Variants in SGCZ observed in about 807,000 individuals in gnomAD.
SGCZ encodes the protein zeta-sarcoglycan.
Under a neutral mutation model 41.3 loss-of-function variants are expected in SGCZ, and 40 were observed. The ratio of observed to expected loss-of-function variants is 0.97; its 90% CI spans 0.75 to 1.26. The LOEUF (loss-of-function observed/expected upper bound fraction) is 1.26, where lower values mean the gene tolerates loss of function less well. SGCZ is among the 50% of genes most tolerant of loss of function. The pLI is 0.00. For missense variants in SGCZ, 552 were observed against 369.8 expected, an observed-to-expected ratio of 1.49 and a Z score of -4.04; for synonymous variants, 206 against 137.5, an observed-to-expected ratio of 1.50 and a Z score of -3.49.
intron 1 of SGCZ, among the ~76,000 whole-genome samples, chr8:14,964,953 G>A (rs1801084482): frequency 6.6e-6 from 1 of 152,142 alleles, no homozygotes; most frequent in Non-Finnish European, 1.5e-5. Context: ...CAACTCGCTT[G>A]TGGGAGCTCA....
chr8:14,800,155 C>T (rs1363184205), intron 1 of SGCZ, among the ~76,000 whole-genome samples: 1 of 106,088 alleles, frequency 9.4e-6, no homozygotes, highest in Non-Finnish European at 2.0e-5. Context: ...TATATTTTGC[C>T]TCCTTTTTTT....
At chr8:14,869,503 G>A (rs952488550) in intron 1 of SGCZ, among the ~76,000 whole-genome samples, 7 of 152,124 alleles carry the variant, frequency 4.6e-5, no homozygotes, top group Admixed American at 2.6e-4. Context: ...GCAAAAGCTG[G>A]AAGCATTCCC....
At chr8:14,134,865 T>C (rs1402873941) in intron 5 of SGCZ, among the ~76,000 whole-genome samples, 1 of 152,230 alleles carries the variant, frequency 6.6e-6, no homozygotes, top group Non-Finnish European at 1.5e-5. Flanking sequence ...TACTGTTTGA[T>C]ATGTTTTTTA....
chr8:14,219,079 T>C (rs1356489617), intron 4 of SGCZ, among the ~76,000 whole-genome samples: 2 of 152,220 alleles, frequency 1.3e-5, no homozygotes, highest in African/African-American at 4.8e-5. Context: ...AATTGTTCTT[T>C]TGAAGTGCCC....
At position 15,030,305 on chromosome 8, in the gene SGCZ, G is replaced by A. The variant is rs1412207387; in HGVS notation, c.39+207280C>T. ...ATTTAATTGCCATCTTCAGAAAATA[G>A]CACGGTGAAAATCTTTCTATTCTAA... On this transcript the variant is annotated intron_variant, in intron 1 of 7. Transcript: ENST00000382080. Among the ~76,000 whole-genome samples, 4 of 152,156 alleles carry A rather than the reference G, an allele frequency of 2.6e-5. No homozygotes were observed. The East Asian group carries it at 7.7e-4, about 29-fold the overall frequency.
At chr8:15,131,878 C>T (rs1338268794) in intron 1 of SGCZ, among the ~76,000 whole-genome samples, 2 of 152,198 alleles carry the variant, frequency 1.3e-5, no homozygotes, top group Non-Finnish European at 2.9e-5. Flanking sequence ...GAAAGGTCTG[C>T]AAGCTCTTCA....
chr8:14,963,628 G>A (rs1256638548), intron 1 of SGCZ, among the ~76,000 whole-genome samples: 1 of 152,172 alleles, frequency 6.6e-6, no homozygotes, highest in African/African-American at 2.4e-5. Flanking sequence ...GATTACGGGT[G>A]TGAGCCACTG....
chr8:14,316,820 C>A (rs1383863759), intron 3 of SGCZ, among the ~76,000 whole-genome samples: 1 of 142,266 alleles, frequency 7.0e-6, no homozygotes, highest in Non-Finnish European at 1.5e-5. Flanking sequence ...TAGACACACA[C>A]ACACACACAC....
At chr8:14,497,452 C>T (rs1181081377) in intron 2 of SGCZ, among the ~76,000 whole-genome samples, 1 of 152,110 alleles carries the variant, frequency 6.6e-6, no homozygotes, top group East Asian at 1.9e-4. Flanking sequence ...GACTCACACC[C>T]TGCAGGCTGA....
intron 2 of SGCZ, among the ~76,000 whole-genome samples, chr8:14,417,068 G>T (rs143983910): frequency 1.3e-5 from 2 of 151,652 alleles, no homozygotes; most frequent in African/African-American, 4.8e-5. Context: ...AAATAAGGCC[G>T]GGCAAGACAT....
intron 1 of SGCZ, among the ~76,000 whole-genome samples, chr8:14,558,205 T>A (rs918384224): frequency 3.9e-5 from 6 of 152,046 alleles, no homozygotes; most frequent in Non-Finnish European, 7.4e-5. Flanking sequence ...CCAGGACCAG[T>A]TGGATTCACA....
At chr8:14,362,251 A>G (rs1803546832) in intron 2 of SGCZ, among the ~76,000 whole-genome samples, 1 of 152,170 alleles carries the variant, frequency 6.6e-6, no homozygotes, top group Non-Finnish European at 1.5e-5. Flanking sequence ...AGTCTGCAGA[A>G]GCCTTTTGTT....
At chr8:15,106,761 G>A (rs573829662) in intron 1 of SGCZ, among the ~76,000 whole-genome samples, 3 of 151,854 alleles carry the variant, frequency 2.0e-5, no homozygotes, top group Admixed American at 1.3e-4. Context: ...TTAAAAATAC[G>A]TGGCAATTTT....
At chr8:14,951,703 G>A (rs1042340675) in intron 1 of SGCZ, among the ~76,000 whole-genome samples, 9 of 151,982 alleles carry the variant, frequency 5.9e-5, no homozygotes, top group Non-Finnish European at 1.2e-4. Context: ...TTTATAAATA[G>A]CAATACCCCA....
chr8:15,019,253 G>T (rs1803159916), intron 1 of SGCZ, among the ~76,000 whole-genome samples: 3 of 152,300 alleles, frequency 2.0e-5, no homozygotes, highest in Middle Eastern at 3.4e-3. Context: ...GGTCAGCAAG[G>T]GGCTATGGTT....
chr8:14,644,491 C>T (rs1807141871), intron 1 of SGCZ, among the ~76,000 whole-genome samples: 2 of 100,044 alleles, frequency 2.0e-5, no homozygotes, highest in African/African-American at 4.1e-5. Flanking sequence ...TACAGTTGTG[C>T]CAGCCAATTT....
At chr8:14,230,718 T>G (rs574951306) in intron 4 of SGCZ, among the ~76,000 whole-genome samples, 2 of 151,668 alleles carry the variant, frequency 1.3e-5, no homozygotes, top group South Asian at 4.2e-4. Context: ...ATAATTTTAA[T>G]TGAACATATA....
In SGCZ at chr8:14,102,466, T is replaced by C. The variant is rs1802062157; in HGVS notation, c.654A>G (p.Glu218=). 1.3e-6 allele frequency: 2 copies of C among 1,495,020 alleles called. No individual in the cohort carries two copies. The highest frequency in any genetic ancestry group is 1.8e-6 in the Non-Finnish European group (2 of 1,106,378). 92.6% of individuals were successfully genotyped at this position (1,495,020 alleles called of 1,614,324 possible). Residue 218 remains glutamate (E), a synonymous_variant, in exon 7 of 8, where the codon GAA becomes GAG. Coordinates refer to ENST00000382080, the MANE Select transcript of SGCZ (RefSeq NM_139167.4). ...LESPTRSLIM[E]APRGVQVSAA... is the part of the protein sequence containing the mutation. Reference sequence around the variant, plus strand: ...CACTCACCTGGACCCCACGGGGAGCTTCCATGATCAAGGATCTGGTGGGTG... The same window carrying C: ...CACTCACCTGGACCCCACGGGGAGCCTCCATGATCAAGGATCTGGTGGGTG...
intron 1 of SGCZ, among the ~76,000 whole-genome samples, chr8:14,951,899 A>G (rs1401871427): frequency 2.6e-5 from 4 of 152,130 alleles, no homozygotes; most frequent in African/African-American, 9.7e-5. Context: ...ATTTTATTTC[A>G]AACAAATACC....
Sources: gnomAD v4.1 joint callset for allele counts (sites outside exome capture counted in the v4.1 genomes callset) on GRCh38, gnomAD v4.1.1 for gene constraint, MANE v1.5 for transcripts, NCBI Gene and HGNC (gene_info 2026-07-23, HGNC 2026-07-21) for gene names.